Variants in EXD3 observed in about 807,000 individuals in gnomAD.
EXD3 encodes exonuclease mut-7 homolog.
Under a neutral mutation model 98.0 loss-of-function variants are expected in EXD3, and 92 were observed. That is an observed-to-expected ratio of 0.94 (90% CI 0.79 to 1.12). The LOEUF (loss-of-function observed/expected upper bound fraction) is 1.12. Among genes scored for constraint, EXD3 ranks in the 50% most tolerant of loss-of-function variants. The pLI is 0.00. For missense variants in EXD3, 1,222 were observed against 1,191.6 expected (o/e 1.03, Z -0.38); for synonymous variants, 569 against 526.0 (o/e 1.08, Z -1.12).
Position 137,393,262 on chromosome 9 carries a change from T to C in EXD3, c.55+2041A>G. ...TGTGCAGGGAGAGTCAGCTCTGTGC[T>C]GAGGCGAACCCAGGGTCCCATGCGC... On this transcript the variant is annotated intron_variant, in intron 2 of 21. Coordinates refer to ENST00000340951, the MANE Select transcript of EXD3 (RefSeq NM_017820.5). This position sits in a 1 kb window ranked among gnomAD's most constrained non-coding sequence, Gnocchi z 4.6. 1.4e-6 allele frequency: 1 copy of C among 702,168 alleles called. No homozygotes were observed. The highest frequency in any genetic ancestry group is 1.5e-5 in the South Asian group (1 of 67,590). The allele number at this position is 702,168 out of a possible 1,614,324, so 43.5% of individuals were successfully genotyped here. A position where few individuals can be genotyped will look rare whatever the true frequency, so the allele number is the denominator to read the frequency against.
chr9:137,323,706 C>A lies in EXD3; in HGVS notation c.2184+19G>T, dbSNP rs377588247. ...GATCTTGTGCCAGCCCCAGGTAGGA[C>A]GGGGTGCGCAGGACCCACCTGGCAG... On this transcript the variant is annotated intron_variant, in intron 19 of 21. Transcript: ENST00000340951. 6.2e-7 allele frequency: 1 copy of A among 1,609,174 alleles called. No homozygotes were observed. Among genetic ancestry groups the A allele is most frequent in the Non-Finnish European group, 8.5e-7 (1 of 1,178,194 alleles).
chr9:137,354,156 G>A, intron 10 of EXD3, 183 bp downstream of exon 10: 3 of 1,429,092 alleles, frequency 2.1e-6, no homozygotes, highest in South Asian at 1.5e-5. Context: ...TCCCGCTCAG[G>A]CCTCCCGGGC....
chr9:137,412,679 G>A (rs1251256396), intron 1 of EXD3, among the ~76,000 whole-genome samples: 1 of 152,208 alleles, frequency 6.6e-6, no homozygotes, highest in Non-Finnish European at 1.5e-5. Context: ...GGGGCCCCTC[G>A]GGAGGGAGTT....
chr9:137,307,773 C>G (rs943240149), intron 20 of EXD3, 127 bp from the exon 21 acceptor site: 12 of 1,040,588 alleles, frequency 1.2e-5, no homozygotes, highest in Non-Finnish European at 1.7e-5. Context: ...CTTCACACAC[C>G]CCCCAGCCTT....
intron 1 of EXD3, among the ~76,000 whole-genome samples, chr9:137,417,662 G>T (rs1208187015): frequency 1.3e-5 from 2 of 152,202 alleles, no homozygotes; most frequent in African/African-American, 4.8e-5. Context: ...GAGGCGCGCG[G>T]CCACCACGCG....
rs566559977 is a variant in EXD3 at position 137,407,371 on chromosome 9, C to A, written c.-47-11967G>T. On this transcript the variant is annotated intron_variant, in intron 1 of 21. Transcript: ENST00000340951. The surrounding 1 kb of genome is among the most constrained non-coding windows in gnomAD (Gnocchi z 4.4). ...AATACCGCAGAGGTGACTGCTCCCC[C>A]GCGAAGCCCACCCACCTGAGGTCCT... Among the ~76,000 whole-genome samples the A allele has an allele frequency of 6.6e-6, 1 of 152,240 alleles. No homozygotes were observed. The highest frequency in any genetic ancestry group is 1.5e-5 in the Non-Finnish European group (1 of 68,036).
chr9:137,389,996 C>T (rs1256807080), intron 2 of EXD3, among the ~76,000 whole-genome samples: 3 of 151,272 alleles, frequency 2.0e-5, no homozygotes, highest in African/African-American at 2.4e-5. Context: ...GTGGTGGGTG[C>T]CTGTAATCCC....
intron 17 of EXD3, among the ~76,000 whole-genome samples, chr9:137,344,113 G>A (rs1008996951): frequency 4.0e-5 from 6 of 151,096 alleles, no homozygotes; most frequent in Non-Finnish European, 8.8e-5. Flanking sequence ...GGATGGTCTC[G>A]ATCTTCTGAC....
At position 137,341,436 on chromosome 9, in the gene EXD3, T is replaced by C. The variant is rs1833649479; in HGVS notation, c.1998+6635A>G. ...TCTGGCTAAGACTCATTACAGTGAA[T>C]AATACACAGCAATGTCAGCAAAGGG... On this transcript the variant is annotated intron_variant, in intron 17 of 21. Coordinates refer to ENST00000340951, the MANE Select transcript of EXD3 (RefSeq NM_017820.5). 2.0e-5 allele frequency among the ~76,000 whole-genome samples: 3 copies of C among 152,194 alleles called. No homozygotes were observed. The South Asian group carries it at 6.2e-4, about 32-fold the overall frequency.
At chr9:137,337,476 C>A (rs1019502965) in intron 17 of EXD3, among the ~76,000 whole-genome samples, 2 of 151,946 alleles carry the variant, frequency 1.3e-5, no homozygotes, top group Non-Finnish European at 2.9e-5. Flanking sequence ...TATGGTGAAA[C>A]CCTATCTCTA....
intron 7 of EXD3, among the ~76,000 whole-genome samples, chr9:137,358,395 T>C (rs1385531423): frequency 6.6e-6 from 1 of 152,096 alleles, no homozygotes; most frequent in Non-Finnish European, 1.5e-5. Context: ...ACCGTGCCGC[T>C]CACAAAGACC....
At chr9:137,323,535 A>C (rs530226156) in intron 19 of EXD3, among the ~76,000 whole-genome samples, 190 bp downstream of exon 19, 532 of 9,734 alleles carry the variant, frequency 0.055, 35 homozygotes, top group East Asian at 0.18. Flanking sequence ...ACGAGGGATG[A>C]TCTGCCGACA....
At chr9:137,366,961 T>A (rs1835290083) in intron 6 of EXD3, among the ~76,000 whole-genome samples, 1 of 152,198 alleles carries the variant, frequency 6.6e-6, no homozygotes, top group African/African-American at 2.4e-5. Flanking sequence ...CGGAAATGCC[T>A]TCTCGTGGCA....
At position 137,373,479 on chromosome 9, in the gene EXD3, A is replaced by C; in HGVS notation, c.241T>G (p.Ser81Ala). The C allele has an allele frequency of 6.2e-7, 1 of 1,609,466 alleles. No individual in the cohort carries two copies. The highest frequency in any genetic ancestry group is 1.3e-5 in the African/African-American group (1 of 74,980). The change falls in exon 4 of 22, where the codon TCC becomes GCC. Residue 81 changes from serine to alanine, a missense_variant. Transcript: ENST00000340951. ...GEGPSLAAWI[S>A]HQLQCWLQAQ... ...TGTAGCCAGCACTGCAGCTGGTGGGAGATCCAGGCCGCCAGGGAGGGGCCC... is the reference window on the plus strand; with the variant it reads ...TGTAGCCAGCACTGCAGCTGGTGGGCGATCCAGGCCGCCAGGGAGGGGCCC...
chr9:137,353,067 C>T, intron 10 of EXD3: 2 of 1,275,196 alleles, frequency 1.6e-6, no homozygotes, highest in Non-Finnish European at 2.0e-6. Flanking sequence ...AGGCTGCCCA[C>T]CTCAGTTCAG....
At chr9:137,396,803 C>G (rs1837238475) in intron 1 of EXD3, among the ~76,000 whole-genome samples, 3 of 152,212 alleles carry the variant, frequency 2.0e-5, no homozygotes, top group African/African-American at 7.2e-5. Context: ...GGGACTGTGG[C>G]TCTCCCACTG....
In EXD3 at chr9:137,349,689, C is replaced by T. The variant is rs538667248; in HGVS notation, c.1495-158G>A. On this transcript the variant is annotated intron_variant, in intron 14 of 21. Coordinates refer to ENST00000340951, the MANE Select transcript of EXD3 (RefSeq NM_017820.5). The surrounding 1 kb of genome is among the most constrained non-coding windows in gnomAD (Gnocchi z 7.4). Reference sequence around the variant, plus strand: ...GACGGGGAGAAGGAGCGGACACATCCGAGGAGAGGCTCCACGTGGGGGTCC... The same window carrying T: ...GACGGGGAGAAGGAGCGGACACATCTGAGGAGAGGCTCCACGTGGGGGTCC... 1.2e-4 allele frequency among the ~76,000 whole-genome samples: 19 copies of T among 152,194 alleles called. No individual in the cohort carries two copies. In the East Asian group the frequency reaches 2.7e-3, roughly 22 times the overall value.
chr9:137,323,605 G>A, intron 19 of EXD3, 120 bp downstream of exon 19: 1 of 1,388,930 alleles, frequency 7.2e-7, no homozygotes, highest in Non-Finnish European at 9.8e-7. Context: ...CACGAGGGAT[G>A]CTCTGCCGAC....
chr9:137,406,319 G>A (rs1837713248), intron 1 of EXD3, among the ~76,000 whole-genome samples: 3 of 151,530 alleles, frequency 2.0e-5, no homozygotes, highest in Admixed American at 2.0e-4. Context: ...AAAAGAAAAA[G>A]AAAAAGAAAA....
Sources: gnomAD v4.1 joint callset for allele counts (sites outside exome capture counted in the v4.1 genomes callset) on GRCh38, gnomAD v4.1.1 for gene constraint, Gnocchi (gnomAD v3.1) non-coding constraint, MANE v1.5 for transcripts, NCBI Gene and HGNC (gene_info 2026-07-23, HGNC 2026-07-21) for gene names.